INSL6: variants seen among roughly 807,000 people sequenced by gnomAD.
INSL6 encodes insulin like 6.
INSL6 carries 16 observed loss-of-function variants against 9.4 expected under a neutral mutation model. The ratio of observed to expected loss-of-function variants is 1.70; its 90% confidence interval spans 1.15 to 2.59. INSL6 has a LOEUF of 2.59. Ranked by LOEUF, INSL6 falls within the 30% of genes most tolerant of loss-of-function variation. INSL6 has a pLI of 0.00. For missense variants in INSL6, 391 were observed against 257.3 expected (o/e 1.52, Z -3.56); for synonymous variants, 154 against 96.9 (o/e 1.59, Z -3.46).
chr9:5,153,163 A>G (rs1824744608), intron 2 of INSL6, among the ~76,000 whole-genome samples: 1 of 150,800 alleles, frequency 6.6e-6, no homozygotes, highest in South Asian at 2.1e-4. Flanking sequence ...TTCATACCCC[A>G]GTGGCGCCTG....
At chr9:5,022,037 C>T in the INSL6 span, 2 of 1,614,158 alleles carry the variant, frequency 1.2e-6, no homozygotes, top group Non-Finnish European at 1.7e-6. Context: ...ACATCCACCT[C>T]TTCTATATAT....
chr9:5,174,541 C>G (rs1825255532), intron 1 of INSL6, among the ~76,000 whole-genome samples: 1 of 152,168 alleles, frequency 6.6e-6, no homozygotes, highest in Non-Finnish European at 1.5e-5. Context: ...GTTTCCTTTA[C>G]AAGTTCTCAC....
intron 1 of INSL6, among the ~76,000 whole-genome samples, chr9:5,168,820 C>T (rs374409665): frequency 1.3e-5 from 2 of 151,846 alleles, no homozygotes; most frequent in African/African-American, 4.8e-5. Flanking sequence ...TTAAGTGCAG[C>T]CAGAGAAAGG....
chr9:5,030,220 T>C, the INSL6 span, among the ~76,000 whole-genome samples: 1 of 152,220 alleles, frequency 6.6e-6, no homozygotes, highest in Non-Finnish European at 1.5e-5. Context: ...GGGATATTGC[T>C]GGTTTGTGCA....
At chr9:5,073,749 G>GT in the INSL6 span, 2 of 1,612,406 alleles carry the variant, frequency 1.2e-6, no homozygotes, top group Non-Finnish European at 1.7e-6. Context: ...CAAGCATTTG[G>GT]TTTTAAATTA....
chr9:5,153,391 G>A (rs1434124982), intron 2 of INSL6, among the ~76,000 whole-genome samples: 1 of 152,168 alleles, frequency 6.6e-6, no homozygotes, highest in Non-Finnish European at 1.5e-5. Context: ...TTGAGTAGGT[G>A]GTTTCACCCT....
At chr9:5,136,817 G>A (rs1037952000) in intron 2 of INSL6, among the ~76,000 whole-genome samples, 1 of 152,212 alleles carries the variant, frequency 6.6e-6, no homozygotes, top group Admixed American at 6.5e-5. Flanking sequence ...ATTAGGAAAA[G>A]AGGAAGTCAA....
chr9:4,993,979 G>T, the INSL6 span, among the ~76,000 whole-genome samples: 1 of 152,126 alleles, frequency 6.6e-6, no homozygotes, highest in South Asian at 2.1e-4. Context: ...CCTTGCAGTG[G>T]GTGATGTCCT....
At chr9:5,144,735 G>A (rs1377966500) in intron 2 of INSL6, among the ~76,000 whole-genome samples, 1 of 152,040 alleles carries the variant, frequency 6.6e-6, no homozygotes, top group African/African-American at 2.4e-5. Flanking sequence ...TAATACCCCT[G>A]TCTTTTTAAA....
At chr9:5,132,723 T>G (rs1001022186) in intron 3 of INSL6, 1 of 152,220 alleles carries the variant, frequency 6.6e-6, no homozygotes, top group Non-Finnish European at 1.5e-5. Context: ...GATAAAGTCC[T>G]AAATCTTGTT....
At chr9:5,121,697 C>A (rs1823626580), downstream of INSL6, among the ~76,000 whole-genome samples, 1 of 152,164 alleles carries the variant, frequency 6.6e-6, no homozygotes, top group Non-Finnish European at 1.5e-5. Context: ...AAAGAATTTA[C>A]AAGTTTTCTG....
the INSL6 span, chr9:5,089,825 A>T: frequency 6.3e-7 from 1 of 1,589,862 alleles, no homozygotes. Context: ...CTACAGCATG[A>T]CAACATTGTA....
the INSL6 span, among the ~76,000 whole-genome samples, chr9:5,010,821 A>C: frequency 6.6e-6 from 1 of 152,138 alleles, no homozygotes; most frequent in South Asian, 2.1e-4. Context: ...CATTTATCTG[A>C]AAACATATTT....
Position 5,183,876 on chromosome 9 carries a change from C to G in INSL6, c.289+1438G>C, listed in dbSNP as rs368103768. Among the ~76,000 whole-genome samples, 13 of 152,282 alleles carry G rather than the reference C, an allele frequency of 8.5e-5. No homozygotes were observed. In the East Asian group the frequency reaches 1.7e-3, roughly 20 times the overall value. On this transcript the variant is annotated intron_variant, in intron 1 of 1. Coordinates refer to ENST00000381641, the MANE Select transcript of INSL6 (RefSeq NM_007179.3). ...GGAGCTAGTTAAAAACGAAAAATATCAGGCCCCACCCCAGGTCTACTAACT... is the reference window on the plus strand; with the variant it reads ...GGAGCTAGTTAAAAACGAAAAATATGAGGCCCCACCCCAGGTCTACTAACT...
At chr9:5,081,053 A>G in the INSL6 span, among the ~76,000 whole-genome samples, 11 of 150,062 alleles carry the variant, frequency 7.3e-5, no homozygotes, top group Non-Finnish European at 1.6e-4. Context: ...CCGCCACCAC[A>G]CCCGGCTAAT....
chr9:5,124,263 C>A (rs916199443), exon 4 of INSL6, among the ~76,000 whole-genome samples: 4 of 151,606 alleles, frequency 2.6e-5, no homozygotes, highest in Admixed American at 2.6e-4. Flanking sequence ...CTTTTGAGGT[C>A]TTTGCCATGA....
chr9:5,085,693 C>T, the INSL6 span: 1 of 741,774 alleles, frequency 1.3e-6, no homozygotes, highest in Non-Finnish European at 2.5e-6. Context: ...ATAACGTCAT[C>T]GTGAACAAGA....
chr9:5,176,769 AT>A (rs1825318681), intron 1 of INSL6, among the ~76,000 whole-genome samples: 8 of 152,014 alleles, frequency 5.3e-5, no homozygotes, highest in Admixed American at 5.2e-4. Flanking sequence ...TATAACTATC[AT>A]TTTCAAGTGA....
chr9:5,024,052 C>T, the INSL6 span, among the ~76,000 whole-genome samples: 6 of 151,912 alleles, frequency 3.9e-5, no homozygotes, highest in Non-Finnish European at 7.4e-5. Context: ...ATCAGGAGAT[C>T]GAGATCATCC....
Sources: gnomAD v4.1 joint callset for allele counts (sites outside exome capture counted in the v4.1 genomes callset) on GRCh38, gnomAD v4.1.1 for gene constraint, MANE v1.5 for transcripts, NCBI Gene and HGNC (gene_info 2026-07-23, HGNC 2026-07-21) for gene names.